C2orf72: variants seen among roughly 807,000 people sequenced by gnomAD.
The protein encoded by C2orf72 is uncharacterized protein C2orf72.
C2orf72 carries 16 observed loss-of-function variants against 14.4 expected under a neutral mutation model. The observed-to-expected ratio is 1.11, with a 90% CI of 0.75 to 1.69. C2orf72 has a LOEUF of 1.69. C2orf72 is among the 40% of genes most tolerant of loss of function. The pLI is 0.00. For synonymous variants in C2orf72, 168 were observed against 176.8 expected (o/e 0.95, Z 0.40); for missense variants, 371 against 358.3 (o/e 1.04, Z -0.29).
rs1021847535 is a variant in C2orf72, at chr2:231,037,827, G to T, written c.262G>T (p.Ala88Ser). 2 of 978,890 alleles carry T rather than the reference G, an allele frequency of 2.0e-6. No homozygotes were observed. The highest frequency in any genetic ancestry group is 3.6e-5 in the African/African-American group (2 of 55,924). The allele number at this position is 978,890 out of a possible 1,614,324, so 60.6% of individuals were successfully genotyped here. A position where few individuals can be genotyped will look rare whatever the true frequency, so the allele number is the denominator to read the frequency against. The change falls in exon 1 of 3, where the codon GCG (alanine) becomes TCG (serine). Residue 88 changes from alanine (A) to serine (S), a missense_variant. Ala to Ser is a moderately conservative substitution (Grantham distance 99). Transcript: ENST00000373640. ...AARGAQRAAR[A>S]AGAAGAAAAA... ...GCGCGGGGCGCAGAGGGCGGCGAGG[G>T]CGGCTGGGGCGGCGGGGGCGGCGGC...
intron 1 of C2orf72, 65 bp from the exon 2 acceptor site, chr2:231,041,231 A>G: frequency 8.5e-7 from 1 of 1,171,820 alleles, no homozygotes; most frequent in Non-Finnish European, 1.2e-6. Flanking sequence ...TGCTAAACGA[A>G]ATCTCTCAGT....
At chr2:231,045,075 C>G (rs911734258) in intron 2 of C2orf72, among the ~76,000 whole-genome samples, 68 of 151,232 alleles carry the variant, frequency 4.5e-4, no homozygotes, top group Non-Finnish European at 8.7e-4. Flanking sequence ...CCAGCCTGGC[C>G]CACATGGTGA....
chr2:231,041,626 C>A (rs1345851963), intron 2 of C2orf72, among the ~76,000 whole-genome samples: 5 of 152,070 alleles, frequency 3.3e-5, no homozygotes, highest in African/African-American at 1.2e-4. Context: ...GAGTCTCCAC[C>A]TAATGAAGGC....
intron 2 of C2orf72, among the ~76,000 whole-genome samples, chr2:231,042,862 G>A (rs1270784909): frequency 6.6e-6 from 1 of 152,178 alleles, no homozygotes; most frequent in African/African-American, 2.4e-5. Context: ...AAATTAGCCG[G>A]GTGTGGTGGC....
intron 1 of C2orf72, among the ~76,000 whole-genome samples, chr2:231,039,419 C>T (rs1044385037): frequency 2.0e-5 from 3 of 151,860 alleles, no homozygotes; most frequent in Non-Finnish European, 4.4e-5. Context: ...GCTGGGCAGC[C>T]CTTCAAGCCC....
intron 2 of C2orf72, among the ~76,000 whole-genome samples, chr2:231,043,263 A>C (rs6436996): frequency 0.22 from 33,525 of 152,046 alleles, 3,920 homozygotes; most frequent in African/African-American, 0.3. Flanking sequence ...CAGAGAGACA[A>C]CCTACTCCCC....
In C2orf72 at chr2:231,037,753, C is replaced by T. The variant is rs752415103; in HGVS notation, c.188C>T (p.Ala63Val). Residue 63 changes from alanine to valine, a missense_variant, in exon 1 of 3, where the codon GCG becomes GTG. Physicochemically the swap from Ala to Val is moderately conservative, Grantham distance 64. Around this residue, in one of 3 missense-constraint regions of C2orf72, gnomAD observed 214 missense variants for 178.7 expected, o/e 1.20. Transcript: ENST00000373640. ...ARAVFPPEPG[A>V]AKPGGAAAEG... ...GCGGTGTTCCCGCCGGAGCCAGGCG[C>T]GGCCAAGCCGGGCGGCGCGGCGGCA... is the stretch of plus-strand genomic sequence containing the variant. 4.0e-5 allele frequency: 40 copies of T among 999,208 alleles called. No individual in the cohort carries two copies. The South Asian group carries it at 1.6e-3, about 39-fold the overall frequency. The allele number at this position is 999,208 out of a possible 1,614,324, so 61.9% of individuals were successfully genotyped here. A position where few individuals can be genotyped will look rare whatever the true frequency, so the allele number is the denominator to read the frequency against.
Position 231,047,338 on chromosome 2 carries a change from C to G in C2orf72, c.*317C>G, listed in dbSNP as rs1044955801. Reference sequence around the variant, plus strand: ...TTGAGGCTCTGCAGAGCTGTGGCACCCCATGGTGTGTCTGCAGTGTTCTGG... The same window carrying G: ...TTGAGGCTCTGCAGAGCTGTGGCACGCCATGGTGTGTCTGCAGTGTTCTGG... On this transcript the variant is annotated 3_prime_UTR_variant, in exon 3 of 3. Coordinates refer to ENST00000373640, the MANE Select transcript of C2orf72 (RefSeq NM_001144994.2). 2.1e-5 allele frequency: 9 copies of G among 424,500 alleles called. No homozygotes were observed. The highest frequency in any genetic ancestry group is 4.1e-5 in the Non-Finnish European group (9 of 221,732). The allele number at this position is 424,500 out of a possible 1,614,324, so 26.3% of individuals were successfully genotyped here.
At chr2:231,046,053 G>A (rs759810473) in intron 2 of C2orf72, among the ~76,000 whole-genome samples, 1 of 152,086 alleles carries the variant, frequency 6.6e-6, no homozygotes, top group Admixed American at 6.6e-5. Flanking sequence ...AGCACTTTGC[G>A]AGGCCGAGGC....
chr2:231,045,167 G>A (rs1220101916), intron 2 of C2orf72, among the ~76,000 whole-genome samples: 2 of 151,790 alleles, frequency 1.3e-5, no homozygotes, highest in Non-Finnish European at 2.9e-5. Context: ...GGGAGGCTGA[G>A]GCAGGAGAAC....
intron 2 of C2orf72, among the ~76,000 whole-genome samples, chr2:231,042,219 A>G (rs1693353328): frequency 6.6e-6 from 1 of 151,712 alleles, no homozygotes; most frequent in Admixed American, 6.6e-5. Context: ...AGGGGAAGAC[A>G]CCCCTCCATG....
At position 231,046,944 on chromosome 2, in the gene C2orf72, G is replaced by T. The variant is rs1693425364; in HGVS notation, c.811G>T (p.Asp271Tyr). Reference protein sequence around the residue: ...LTAIFPNGDCDDLGRGSKACD... With the variant: ...LTAIFPNGDCYDLGRGSKACD... ...AGCCATATTTCCCAATGGAGACTGTGATGACCTTGGAAGGGGGTCAAAAGC... is the reference window on the plus strand; with the variant it reads ...AGCCATATTTCCCAATGGAGACTGTTATGACCTTGGAAGGGGGTCAAAAGC... Residue 271 changes from aspartate to tyrosine, a missense_variant, in exon 3 of 3, where the codon GAT (aspartate) becomes TAT (tyrosine). Asp to Tyr is a radical substitution (Grantham distance 160). Transcript: ENST00000373640. 2 of 1,551,702 alleles carry T rather than the reference G, an allele frequency of 1.3e-6. No homozygotes were observed. The highest frequency in any genetic ancestry group is 1.7e-6 in the Non-Finnish European group (2 of 1,146,998).
intron 2 of C2orf72, among the ~76,000 whole-genome samples, 182 bp downstream of exon 2, chr2:231,041,591 C>T (rs551050544): frequency 1.1e-4 from 17 of 151,956 alleles, no homozygotes; most frequent in African/African-American, 3.9e-4. Context: ...CACATGGGCT[C>T]GGTCAGGCTG....
At chr2:231,040,686 C>G (rs1032592834) in intron 1 of C2orf72, among the ~76,000 whole-genome samples, 2 of 152,168 alleles carry the variant, frequency 1.3e-5, no homozygotes, top group Non-Finnish European at 2.9e-5. Flanking sequence ...GGTTGCTTGC[C>G]TTTTGGCAGT....
intron 2 of C2orf72, among the ~76,000 whole-genome samples, chr2:231,043,336 G>A (rs1693369127): frequency 6.6e-6 from 1 of 151,668 alleles, no homozygotes; most frequent in African/African-American, 2.4e-5. Context: ...TTTATAAGGG[G>A]CCAGAATCTT....
Position 231,047,723 on chromosome 2 carries a change from T to G in C2orf72, c.*702T>G. ...AGCCAATGCCTTCTCCCTGTCAGAG[T>G]CCCCCAGAGCAGAGAGGGTCAGGCT... On this transcript the variant is annotated 3_prime_UTR_variant, in exon 3 of 3. Coordinates refer to ENST00000373640, the MANE Select transcript of C2orf72 (RefSeq NM_001144994.2). 1 of 159,110 alleles carries G rather than the reference T, an allele frequency of 6.3e-6. No individual in the cohort carries two copies. The highest frequency in any genetic ancestry group is 1.4e-5 in the Non-Finnish European group (1 of 72,038). 9.9% of individuals were successfully genotyped at this position (159,110 alleles called of 1,614,324 possible). A position where few individuals can be genotyped will look rare whatever the true frequency, so the allele number is the denominator to read the frequency against.
Position 231,041,305 on chromosome 2 carries a change from C to A in C2orf72, c.644C>A (p.Ala215Asp). 2 of 1,550,266 alleles carry A rather than the reference C, an allele frequency of 1.3e-6. No individual in the cohort carries two copies. Among genetic ancestry groups the A allele is most frequent in the South Asian group, 2.4e-5 (2 of 83,982 alleles). ...TTTGTGTTCTTCCTAGTGGAAGGAGCCTGGGAGAGGCCAGGCCTCCCCGGA... is the reference window on the plus strand; with the variant it reads ...TTTGTGTTCTTCCTAGTGGAAGGAGACTGGGAGAGGCCAGGCCTCCCCGGA... ...AAGAGQPVEG[A>D]WERPGLPGLL... is the part of the protein sequence containing the mutation. Residue 215 changes from alanine (A) to aspartate (D), a missense_variant, in exon 2 of 3, where the codon GCC becomes GAC. Physicochemically the swap from Ala to Asp is moderately radical, Grantham distance 126 (BLOSUM62 -2). Around this residue, in one of 3 missense-constraint regions of C2orf72, gnomAD observed 145 missense variants for 149.4 expected, o/e 0.97. Transcript: ENST00000373640.
chr2:231,045,510 C>CTTTT (rs1007020692), intron 2 of C2orf72, among the ~76,000 whole-genome samples: 94 of 87,416 alleles, frequency 1.1e-3, no homozygotes, highest in South Asian at 1.6e-3. Context: ...GTGTTTCAAT[C>CTTTT]TTTTTTTTTT....
chr2:231,047,680 T>C lies in C2orf72; in HGVS notation c.*659T>C, dbSNP rs1278646625. On this transcript the variant is annotated 3_prime_UTR_variant, in exon 3 of 3. Coordinates refer to ENST00000373640, the MANE Select transcript of C2orf72 (RefSeq NM_001144994.2). ...TCCATTCAATGCCAATTGTAGTACC[T>C]TTGAGACATTCTGGCTGAGCCAATG... 2 of 163,392 alleles carry C rather than the reference T, an allele frequency of 1.2e-5. No homozygotes were observed. Among genetic ancestry groups the C allele is most frequent in the Non-Finnish European group, 2.7e-5 (2 of 74,286 alleles). The allele number at this position is 163,392 out of a possible 1,614,324, so 10.1% of individuals were successfully genotyped here.
Sources: allele counts gnomAD v4.1 joint callset (sites outside exome capture counted in the v4.1 genomes callset), GRCh38; gene constraint gnomAD v4.1.1; regional missense constraint gnomAD v4.1.1; transcripts MANE v1.5; gene names NCBI Gene and HGNC (gene_info 2026-07-23, HGNC 2026-07-21).